RAPGEF2: variants seen among roughly 807,000 people sequenced by gnomAD.
RAPGEF2 encodes PDZ domain containing guanine nucleotide exchange factor (GEF) 1.
In RAPGEF2, 54 loss-of-function variants were observed where a neutral mutation model predicts 186.7. That is an observed-to-expected ratio of 0.29 (90% CI 0.23 to 0.36). RAPGEF2 has a LOEUF of 0.36. Among genes scored for constraint, RAPGEF2 ranks in the 10% least tolerant of loss-of-function variants. The pLI is 1.00. For missense variants in RAPGEF2, 1,532 were observed against 2,045.0 expected, an observed-to-expected ratio of 0.75 and a Z score of 4.84; for synonymous variants, 712 against 705.9, an observed-to-expected ratio of 1.01 and a Z score of -0.14.
intron 1 of RAPGEF2, among the ~76,000 whole-genome samples, chr4:159,147,568 G>GA (rs1305711830): frequency 2.0e-5 from 3 of 152,176 alleles, no homozygotes; most frequent in African/African-American, 7.2e-5. Flanking sequence ...TGAATAGCTT[G>GA]ATAGAGCAAA....
chr4:159,222,370 C>T (rs556104697), intron 4 of RAPGEF2, among the ~76,000 whole-genome samples: 1 of 152,268 alleles, frequency 6.6e-6, no homozygotes, highest in South Asian at 2.1e-4. Context: ...GATGGAGTTC[C>T]ACAGGTCACC....
At chr4:159,262,026 CTT>C (rs2110749468) in intron 7 of RAPGEF2, among the ~76,000 whole-genome samples, 1 of 152,272 alleles carries the variant, frequency 6.6e-6, no homozygotes, top group South Asian at 2.1e-4. Context: ...AATTAGGCAT[CTT>C]TTATAATTAC....
intron 3 of RAPGEF2, among the ~76,000 whole-genome samples, chr4:159,198,261 TC>T (rs1748918047): frequency 5.5e-5 from 4 of 72,258 alleles, no homozygotes; most frequent in African/African-American, 2.4e-4. Context: ...TCTTTCTTTC[TC>T]TTTCTTTCCT....
chr4:159,338,271 T>G, intron 17 of RAPGEF2, 40 bp from the exon 18 acceptor site: 1 of 1,574,772 alleles, frequency 6.4e-7, no homozygotes, highest in Non-Finnish European at 8.7e-7. Flanking sequence ...GTACAACTTT[T>G]TAACTTGTTG....
Position 159,356,103 on chromosome 4 carries a change from G to C in RAPGEF2, c.4902G>C (p.Glu1634Asp), listed in dbSNP as rs768095219. 6 of 1,614,194 alleles carry C rather than the reference G, an allele frequency of 3.7e-6. No individual in the cohort carries two copies. The Admixed American group carries it at 8.3e-5, about 22-fold the overall frequency. Residue 1634 changes from glutamate (E) to aspartate (D), a missense_variant, in exon 29 of 30, where the codon GAG (glutamate) becomes GAC (aspartate). Coordinates refer to ENST00000691494, the MANE Select transcript of RAPGEF2 (RefSeq NM_001394067.2). Reference sequence around the variant, plus strand: ...AACCTCAGTGGCATAAACCGAACGAGTCTGACCCGCGCCTCGCCCCCTATC... The same window carrying C: ...AACCTCAGTGGCATAAACCGAACGACTCTGACCCGCGCCTCGCCCCCTATC... ...VNKPQWHKPN[E>D]SDPRLAPYQS...
rs912100265 is a variant in RAPGEF2, at chr4:159,351,005, C to G, written c.3865+716C>G. 1.1e-5 allele frequency: 16 copies of G among 1,478,526 alleles called. No individual in the cohort carries two copies. In the African/African-American group the frequency reaches 2.0e-4, roughly 18 times the overall value. The allele number at this position is 1,478,526 out of a possible 1,614,324, so 91.6% of individuals were successfully genotyped here. On this transcript the variant is annotated intron_variant, in intron 26 of 29. Transcript: ENST00000691494. ...GTGCATTTTGTATGGGTATCAGTCT[C>G]TCCTGTCCTTGTTACATGGATGCAT...
At chr4:159,311,087 G>T (rs1026418939) in intron 8 of RAPGEF2, among the ~76,000 whole-genome samples, 1 of 152,146 alleles carries the variant, frequency 6.6e-6, no homozygotes, top group East Asian at 1.9e-4. Flanking sequence ...CACAGTTACT[G>T]TGTTTTGTTT....
At chr4:159,161,798 T>C (rs1579339267) in intron 1 of RAPGEF2, among the ~76,000 whole-genome samples, 1 of 152,226 alleles carries the variant, frequency 6.6e-6, no homozygotes, top group Non-Finnish European at 1.5e-5. Context: ...TTCATACATA[T>C]TAAATTTGAT....
rs1731576016 is a variant in RAPGEF2 at position 159,353,953 on chromosome 4, A to G, written c.4558A>G (p.Ser1520Gly). 2 of 1,614,044 alleles carry G rather than the reference A, an allele frequency of 1.2e-6. No homozygotes were observed. Among genetic ancestry groups the G allele is most frequent in the Admixed American group, 1.7e-5 (1 of 60,030 alleles). Residue 1520 changes from serine to glycine, a missense_variant, in exon 28 of 30, where the codon AGT becomes GGT. By Grantham distance (56) the Ser-to-Gly change is moderately conservative (BLOSUM62 0). Around this residue, in one of 4 missense-constraint regions of RAPGEF2, gnomAD observed 594 missense variants for 608.5 expected, o/e 0.98. Transcript: ENST00000691494. The surrounding 1 kb of genome is among the most constrained non-coding windows in gnomAD (Gnocchi z 4.3). ...GKDVSIEAES[S>G]SLTSVTTEET... Reference sequence around the variant, plus strand: ...GGATGTTTCCATTGAAGCCGAAAGCAGTAGCCTAACGTCTGTGACTACGGA... The same window carrying G: ...GGATGTTTCCATTGAAGCCGAAAGCGGTAGCCTAACGTCTGTGACTACGGA...
intron 1 of RAPGEF2, among the ~76,000 whole-genome samples, chr4:159,184,859 G>C (rs1326402730): frequency 6.6e-6 from 1 of 151,972 alleles, no homozygotes; most frequent in Non-Finnish European, 1.5e-5. Context: ...TTTCTTCTAG[G>C]GTTTTTATGG....
At chr4:159,313,065 A>G (rs1706496880) in intron 8 of RAPGEF2, among the ~76,000 whole-genome samples, 2 of 151,992 alleles carry the variant, frequency 1.3e-5, no homozygotes, top group South Asian at 4.2e-4. Context: ...TGAGAATCGC[A>G]TGAACCTGGG....
At chr4:159,128,565 T>C (rs1390389114) in intron 1 of RAPGEF2, among the ~76,000 whole-genome samples, 1 of 151,222 alleles carries the variant, frequency 6.6e-6, no homozygotes, top group Non-Finnish European at 1.5e-5. Context: ...TTCACCCCTC[T>C]TTTTGGTGAA....
chr4:159,258,389 C>T (rs891964356), intron 7 of RAPGEF2, among the ~76,000 whole-genome samples: 2 of 151,954 alleles, frequency 1.3e-5, no homozygotes, highest in African/African-American at 4.8e-5. Context: ...AAAATATTTT[C>T]TATATTGAGA....
At chr4:159,157,068 T>C (rs1407028783) in intron 1 of RAPGEF2, among the ~76,000 whole-genome samples, 1 of 152,200 alleles carries the variant, frequency 6.6e-6, no homozygotes. Flanking sequence ...AGCTGGTTCA[T>C]TGGCCTTTCA....
At chr4:159,294,113 T>C (rs373332736) in intron 7 of RAPGEF2, among the ~76,000 whole-genome samples, 79 of 152,348 alleles carry the variant, frequency 5.2e-4, no homozygotes, top group African/African-American at 1.7e-3. Context: ...TAAGATAGCT[T>C]TATAACTTTT....
At chr4:159,337,877 G>C (rs57592838) in intron 17 of RAPGEF2, among the ~76,000 whole-genome samples, 1,526 of 68,000 alleles carry the variant, frequency 0.022, 31 homozygotes, top group African/African-American at 0.062. Context: ...GTGACAGAGT[G>C]AGACTCCATC....
chr4:159,325,602 T>TG (rs1210797689), intron 11 of RAPGEF2, among the ~76,000 whole-genome samples: 2 of 105,540 alleles, frequency 1.9e-5, no homozygotes, highest in African/African-American at 6.5e-5. Flanking sequence ...AAAGTTTGTT[T>TG]GTTTTTTTTT....
At chr4:159,287,244 GTTAAGA>G (rs1368365647) in intron 7 of RAPGEF2, among the ~76,000 whole-genome samples, 1 of 151,984 alleles carries the variant, frequency 6.6e-6, no homozygotes, top group Admixed American at 6.6e-5. Context: ...TTAATGATAA[GTTAAGA>G]TTAACACTGT....
chr4:159,278,512 C>T (rs997578486), intron 7 of RAPGEF2, among the ~76,000 whole-genome samples: 1 of 152,152 alleles, frequency 6.6e-6, no homozygotes, highest in Non-Finnish European at 1.5e-5. Flanking sequence ...GGGAATCTGA[C>T]TTAGAAGTGA....
Sources: gnomAD v4.1 joint callset for allele counts (sites outside exome capture counted in the v4.1 genomes callset) on GRCh38, gnomAD v4.1.1 for gene constraint, gnomAD v4.1.1 regional missense constraint, Gnocchi (gnomAD v3.1) non-coding constraint, MANE v1.5 for transcripts, NCBI Gene and HGNC (gene_info 2026-07-23, HGNC 2026-07-21) for gene names.